MAGI1: variants seen among roughly 807,000 people sequenced by gnomAD.
MAGI1 encodes membrane-associated guanylate kinase, WW and PDZ domain-containing protein 1.
Under a neutral mutation model 139.9 loss-of-function variants are expected in MAGI1, and 58 were observed. The observed-to-expected ratio is 0.41, with a 90% CI of 0.34 to 0.52. The LOEUF is 0.52. Among genes scored for constraint, MAGI1 ranks in the 20% least tolerant of loss-of-function variants. The pLI, the probability that MAGI1 is intolerant of heterozygous loss-of-function variation, is 0.12. For missense variants in MAGI1, 1,874 were observed against 1,901.6 expected (o/e 0.99, Z 0.27); for synonymous variants, 812 against 737.9 (o/e 1.10, Z -1.63).
intron 1 of MAGI1, among the ~76,000 whole-genome samples, chr3:65,899,731 A>T (rs1017115260): frequency 5.3e-5 from 8 of 152,220 alleles, no homozygotes; most frequent in African/African-American, 1.9e-4. Context: ...CCCCAAAGAT[A>T]TATCTAATAC....
Position 65,786,608 on chromosome 3 carries a change from ATT to A in MAGI1, c.314-164522_314-164521del, listed in dbSNP as rs34768515. Among the ~76,000 whole-genome samples, 238 of 128,344 alleles carry A rather than the reference ATT, an allele frequency of 1.9e-3. 1 individual carries two copies. The highest frequency in any genetic ancestry group is 0.013 in the Middle Eastern group (3 of 234). The allele number at this position is 128,344 out of a possible 152,430, so 84.2% of individuals were successfully genotyped here. On this transcript the variant is annotated intron_variant, in intron 1 of 22. Transcript: ENST00000402939. ...ATGAGACACCACGCCTGGCCCAAGAATTTTTTTTTTTTTTTTTTTCTTAAACA... is the reference window on the plus strand; with the variant it reads ...ATGAGACACCACGCCTGGCCCAAGAATTTTTTTTTTTTTTTTTCTTAAACA...
At chr3:65,689,242 G>A (rs552496430) in intron 1 of MAGI1, among the ~76,000 whole-genome samples, 11 of 152,124 alleles carry the variant, frequency 7.2e-5, no homozygotes, top group Non-Finnish European at 1.6e-4. Context: ...AAGGAAATAT[G>A]CCTTAGCTTT....
rs36116885 is a variant in MAGI1 at position 65,568,308 on chromosome 3, C to CT, written c.430+53663dup. Reference sequence around the variant, plus strand: ...AAATAAAATATTTTTTGACTGGACACTTTTTTTTTTCTTTTTGGTTGTGCA... The same window carrying CT: ...AAATAAAATATTTTTTGACTGGACACTTTTTTTTTTTCTTTTTGGTTGTGCA... On this transcript the variant is annotated intron_variant, in intron 2 of 22. Transcript: ENST00000402939. Among the ~76,000 whole-genome samples, 394 of 150,088 alleles carry CT rather than the reference C, an allele frequency of 2.6e-3. 5 individuals carry two copies. The highest frequency in any genetic ancestry group is 0.016 in the Admixed American group (239 of 15,066).
intron 1 of MAGI1, among the ~76,000 whole-genome samples, chr3:65,823,724 T>G (rs2042068267): frequency 6.6e-6 from 1 of 152,230 alleles, no homozygotes; most frequent in Non-Finnish European, 1.5e-5. Flanking sequence ...CAAAGCAATC[T>G]ACTTTTAAAA....
At chr3:65,453,364 G>C in intron 5 of MAGI1, 24 bp from the exon 6 acceptor site, 2 of 952,320 alleles carry the variant, frequency 2.1e-6, no homozygotes, top group Non-Finnish European at 2.9e-6. Flanking sequence ...ACAAAAATAA[G>C]AAATTTGTTT....
intron 1 of MAGI1, among the ~76,000 whole-genome samples, chr3:65,890,333 T>C (rs968524874): frequency 1.3e-5 from 2 of 152,038 alleles, no homozygotes; most frequent in South Asian, 2.1e-4. Context: ...CCACTGCACT[T>C]CAGCCTGGGC....
At chr3:65,728,858 G>A (rs1055083015) in intron 1 of MAGI1, among the ~76,000 whole-genome samples, 6 of 152,010 alleles carry the variant, frequency 3.9e-5, no homozygotes, top group East Asian at 1.9e-4. Context: ...GTGTAATGAA[G>A]CCAATTGTTT....
chr3:65,687,323 G>A (rs1213508508), intron 1 of MAGI1: 2 of 235,406 alleles, frequency 8.5e-6, no homozygotes, highest in Middle Eastern at 1.5e-3. Context: ...CAAAGGTCAT[G>A]GTTGTGGTGG....
chr3:65,680,996 T>A (rs1451958089), intron 1 of MAGI1, among the ~76,000 whole-genome samples: 1 of 152,204 alleles, frequency 6.6e-6, no homozygotes, highest in Non-Finnish European at 1.5e-5. Context: ...TTTAAGCCAT[T>A]CTGGCAAAGG....
intron 1 of MAGI1, among the ~76,000 whole-genome samples, chr3:65,777,618 G>A (rs1235430807): frequency 1.4e-5 from 2 of 142,932 alleles, no homozygotes; most frequent in Admixed American, 7.2e-5. Context: ...CTCCAGCCTG[G>A]GCAACAGAGT....
At chr3:65,692,480 C>G (rs973153251) in intron 1 of MAGI1, among the ~76,000 whole-genome samples, 2 of 152,132 alleles carry the variant, frequency 1.3e-5, no homozygotes, top group Non-Finnish European at 2.9e-5. Flanking sequence ...CCTACAGTGG[C>G]CTTGACTTAC....
At chr3:65,357,839 G>C (rs1940352407) in intron 22 of MAGI1, among the ~76,000 whole-genome samples, 1 of 152,022 alleles carries the variant, frequency 6.6e-6, no homozygotes, top group Admixed American at 6.6e-5. Context: ...CTGGCAAATG[G>C]GATATGTACG....
intron 2 of MAGI1, among the ~76,000 whole-genome samples, chr3:65,520,926 T>G (rs2078124272): frequency 6.6e-6 from 1 of 152,188 alleles, no homozygotes; most frequent in Admixed American, 6.5e-5. Context: ...CACATCTATT[T>G]TGGCAAACAT....
In MAGI1 at chr3:65,923,286, T is replaced by C. The variant is rs868838615; in HGVS notation, c.313+114710A>G. Among the ~76,000 whole-genome samples, 64 of 146,994 alleles carry C rather than the reference T, an allele frequency of 4.4e-4. 1 individual carries two copies. Among genetic ancestry groups the C allele is most frequent in the Non-Finnish European group, 5.9e-4 (40 of 67,362 alleles). On this transcript the variant is annotated intron_variant, in intron 1 of 22. Transcript: ENST00000402939. ...TGTCACCCAGGCTGGAGTGCAGTGG[T>C]GTGATCTCGGCTCACTGCAACCTCC...
chr3:66,035,035 A>G (rs924564941), intron 1 of MAGI1, among the ~76,000 whole-genome samples: 1 of 152,208 alleles, frequency 6.6e-6, no homozygotes, highest in Non-Finnish European at 1.5e-5. Context: ...TAAGATATGC[A>G]TTTTACTATA....
intron 1 of MAGI1, among the ~76,000 whole-genome samples, chr3:65,984,512 A>ATGTGTGTGTGTGTGTGTGTGTGTGTG (rs34046056): frequency 7.1e-6 from 1 of 140,394 alleles, no homozygotes; most frequent in East Asian, 2.1e-4. Flanking sequence ...TCAAAATAAA[A>ATGTGTGTGTGTGTGTGTGTGTGTGTG]TGTGTGTGTG....
At chr3:65,620,630 G>C (rs1251082849) in intron 2 of MAGI1, among the ~76,000 whole-genome samples, 1 of 152,276 alleles carries the variant, frequency 6.6e-6, no homozygotes, top group African/African-American at 2.4e-5. Flanking sequence ...ATTACTACGA[G>C]GTTATTACTA....
chr3:65,479,348 A>G (rs950586325), intron 3 of MAGI1, among the ~76,000 whole-genome samples: 1 of 152,120 alleles, frequency 6.6e-6, no homozygotes, highest in African/African-American at 2.4e-5. Flanking sequence ...CGGGGTAGGA[A>G]AAAACCCTTG....
At chr3:65,549,291 C>CTCCCTCTTTCCGTCT (rs757490112) in intron 2 of MAGI1, 1 of 442,996 alleles carries the variant, frequency 2.3e-6, no homozygotes, top group Non-Finnish European at 3.0e-6. Flanking sequence ...CTTCCCTTTC[C>CTCCCTCTTTCCGTCT]TCCCTCTTTC....
Sources: allele counts gnomAD v4.1 joint callset (sites outside exome capture counted in the v4.1 genomes callset), GRCh38; gene constraint gnomAD v4.1.1; transcripts MANE v1.5; gene names NCBI Gene and HGNC (gene_info 2026-07-23, HGNC 2026-07-21).